Variants in PKLR observed in about 807,000 individuals in gnomAD.
PKLR encodes pyruvate kinase L/R, also known as pyruvate kinase PKLR.
In PKLR, 38 loss-of-function variants were observed where a neutral mutation model predicts 53.6. That is an observed-to-expected ratio of 0.71 (90% CI 0.55 to 0.93). The LOEUF is 0.93. PKLR is among the 40% of genes least tolerant of loss of function. The pLI is 0.00. For synonymous variants in PKLR, 328 were observed against 316.2 expected, an observed-to-expected ratio of 1.04 and a Z score of -0.39; for missense variants, 702 against 787.3, an observed-to-expected ratio of 0.89 and a Z score of 1.30.
chr1:155,299,943 G>A (rs1647889995), intron 2 of PKLR, among the ~76,000 whole-genome samples, 155 bp downstream of exon 2: 1 of 152,008 alleles, frequency 6.6e-6, no homozygotes, highest in African/African-American at 2.4e-5. Context: ...CTACTCCCAG[G>A]GCCCAAAATC....
rs1441486786 is a variant in PKLR at position 155,293,292 on chromosome 1, G to T, written c.1321C>A (p.Leu441Ile). ...CGGCTTAGTGGCGCTGCCCGACGTA[G>T]CTCCTCAAACAGCTGCCGGTGGTAC... ...AVYHRQLFEE[L>I]RRAAPLSRDP... The change falls in exon 9 of 11, where the codon CTA (leucine) becomes ATA (isoleucine). Residue 441 changes from leucine to isoleucine, a missense_variant. By Grantham distance (5) the Leu-to-Ile change is conservative. Transcript: ENST00000342741. The surrounding 1 kb of genome is among the most constrained non-coding windows in gnomAD (Gnocchi z 4.2). The T allele has an allele frequency of 1.9e-6, 3 of 1,614,236 alleles. No homozygotes were observed. The highest frequency in any genetic ancestry group is 3.3e-5 in the Admixed American group (2 of 60,032).
At chr1:155,301,201 T>G in intron 1 of PKLR, 95 bp downstream of exon 1, 3 of 1,460,614 alleles carry the variant, frequency 2.1e-6, no homozygotes, top group Non-Finnish European at 2.9e-6. Context: ...ACCTAGCCAG[T>G]GGCTGATGTG....
chr1:155,303,622 TTTTA>T (rs1285029522), upstream of PKLR, among the ~76,000 whole-genome samples: 1 of 152,124 alleles, frequency 6.6e-6, no homozygotes, highest in Non-Finnish European at 1.5e-5. Context: ...GTGTATTTTA[TTTTA>T]TTTATTTATT....
At chr1:155,305,346 CCCG>C (rs1557968180), upstream of PKLR, among the ~76,000 whole-genome samples, 1 of 152,078 alleles carries the variant, frequency 6.6e-6, no homozygotes, top group African/African-American at 2.4e-5. Flanking sequence ...AGCTCCAGAG[CCCG>C]AGCTGTAACC....
At position 155,300,976 on chromosome 1, in the gene PKLR, G is replaced by T. The variant is rs780460339; in HGVS notation, c.100+320C>A. On this transcript the variant is annotated intron_variant, in intron 1 of 10. Transcript: ENST00000342741. ...AGGCATGAGGCCCAGCTGGGCTGGG[G>T]ATCAGTTCTGCAGACTGGTTAAAGT... is the stretch of plus-strand genomic sequence containing the variant. The T allele has an allele frequency of 1.9e-6, 3 of 1,563,056 alleles. No homozygotes were observed. In the Admixed American group the frequency reaches 5.8e-5, roughly 30 times the overall value.
upstream of PKLR, among the ~76,000 whole-genome samples, chr1:155,305,338 C>G (rs908015252): frequency 1.3e-5 from 2 of 152,122 alleles, no homozygotes; most frequent in Non-Finnish European, 2.9e-5. Context: ...GATAGTGGAG[C>G]TCCAGAGCCC....
intron 1 of PKLR, chr1:155,300,733 T>C (rs1647945886): frequency 1.1e-6 from 1 of 893,690 alleles, no homozygotes; most frequent in Admixed American, 2.0e-5. Context: ...CAAAGGTCTC[T>C]GTTTTCTCCC....
chr1:155,300,270 C>T lies in PKLR; in HGVS notation c.111G>A (p.Gly37=), dbSNP rs141341788. 1 of 1,591,160 alleles carries T rather than the reference C, an allele frequency of 6.3e-7. No individual in the cohort carries two copies. The highest frequency in any genetic ancestry group is 1.1e-5 in the South Asian group (1 of 88,896). Residue 37 remains glycine, a synonymous_variant, in exon 2 of 11, where the codon GGG becomes GGA. Coordinates refer to ENST00000342741, the MANE Select transcript of PKLR (RefSeq NM_000298.6). The stretch of plus-strand genomic sequence containing the variant: ...GGGCCACACTGGCCCGCCGCAGATA[C>T]CCCGCTGGCCCTGTGGTAGAAGGGG... ...ILIGAPGGPA[G]YLRRASVAQL...
rs762299669 is a variant in PKLR, at chr1:155,293,628, C to G, written c.1117-38G>C. On this transcript the variant is annotated intron_variant, in intron 7 of 10. Transcript: ENST00000342741. This position sits in a 1 kb window ranked among gnomAD's most constrained non-coding sequence, Gnocchi z 4.2. ...GTGGATGTCAAAGTTGTAGGACTCACACTGTGACTGGGGACCCTGCCCAAG... is the reference window on the plus strand; with the variant it reads ...GTGGATGTCAAAGTTGTAGGACTCAGACTGTGACTGGGGACCCTGCCCAAG... 2 of 1,610,112 alleles carry G rather than the reference C, an allele frequency of 1.2e-6. No homozygotes were observed. The highest frequency in any genetic ancestry group is 4.5e-5 in the East Asian group (2 of 44,860).
intron 10 of PKLR, 104 bp downstream of exon 10, chr1:155,291,652 G>T: frequency 1.0e-6 from 1 of 979,352 alleles, no homozygotes; most frequent in Non-Finnish European, 1.7e-6. Flanking sequence ...GAAAACCTGG[G>T]ACCACAGGAG....
chr1:155,304,401 A>T (rs931367100), upstream of PKLR, among the ~76,000 whole-genome samples: 17 of 139,656 alleles, frequency 1.2e-4, no homozygotes, highest in South Asian at 2.3e-4. Flanking sequence ...GCCATTGCAC[A>T]CCAGCCTGGG....
the PKLR span, among the ~76,000 whole-genome samples, chr1:155,308,239 T>G: frequency 1.3e-5 from 2 of 151,742 alleles, no homozygotes; most frequent in East Asian, 1.9e-4. Flanking sequence ...TTTTTTTTTT[T>G]TGTATTTTTA....
At position 155,301,373 on chromosome 1, in the gene PKLR, GAT is replaced by G; in HGVS notation, c.21_22del (p.Ser8IlefsTer10). The G allele has an allele frequency of 1.9e-6, 3 of 1,613,962 alleles. No individual in the cohort carries two copies. Among genetic ancestry groups the G allele is most frequent in the Non-Finnish European group, 2.5e-6 (3 of 1,179,850 alleles). ...GACCCATGACCGAAGCTGCAGGGAT[GAT>G]ATGTTCTCCTGGATCGACATGCTTT... On this transcript the variant is annotated frameshift_variant, in exon 1 of 11. Transcript: ENST00000342741. LOFTEE classifies it high-confidence loss of function.
upstream of PKLR, among the ~76,000 whole-genome samples, chr1:155,306,037 G>A (rs1572068005): frequency 6.6e-6 from 1 of 152,130 alleles, no homozygotes; most frequent in South Asian, 2.1e-4. This position sits in a 1 kb window ranked among gnomAD's most constrained non-coding sequence, Gnocchi z 4.2. Flanking sequence ...GAGGTGGGGG[G>A]CAGTTCTCCA....
chr1:155,298,124 C>T (rs1344924662), intron 2 of PKLR, among the ~76,000 whole-genome samples: 2 of 152,124 alleles, frequency 1.3e-5, no homozygotes, highest in African/African-American at 4.8e-5. Flanking sequence ...CTGCTCCCTG[C>T]CTTCCAGTTC....
chr1:155,299,038 T>TTCTTTC (rs1557963556), intron 2 of PKLR, among the ~76,000 whole-genome samples: 16 of 69,132 alleles, frequency 2.3e-4, no homozygotes, highest in East Asian at 2.2e-3. Flanking sequence ...TTCTTTCTCT[T>TTCTTTC]TCTTTCTTTC....
Position 155,295,359 on chromosome 1 carries a change from C to T in PKLR, c.508-57G>A. On this transcript the variant is annotated intron_variant, in intron 4 of 10. Coordinates refer to ENST00000342741, the MANE Select transcript of PKLR (RefSeq NM_000298.6). The surrounding 1 kb of genome is among the most constrained non-coding windows in gnomAD (Gnocchi z 4.3). ...TGAGCCCCGGAGTCCGGGACCCGCC[C>T]CTGCCCACGCCTGGGCCCAACCCTA... 1.2e-6 allele frequency: 2 copies of T among 1,613,114 alleles called. No homozygotes were observed. Among genetic ancestry groups the T allele is most frequent in the Non-Finnish European group, 1.7e-6 (2 of 1,179,440 alleles).
chr1:155,291,932 G>A lies in PKLR; in HGVS notation c.1442C>T (p.Ala481Val), dbSNP rs773040738. 4.2e-5 allele frequency: 67 copies of A among 1,612,930 alleles called. No homozygotes were observed. Among genetic ancestry groups the A allele is most frequent in the Non-Finnish European group, 5.2e-5 (61 of 1,179,944 alleles). The change falls in exon 10 of 11, where the codon GCC becomes GTC. Residue 481 changes from alanine (A) to valine (V), a missense_variant. Physicochemically the swap from Ala to Val is moderately conservative, Grantham distance 64 (BLOSUM62 0). Coordinates refer to ENST00000342741, the MANE Select transcript of PKLR (RefSeq NM_000298.6). ...IIVLTTTGRS[A>V]QLLSRYRPRA... ...AGGTCGGTACCGAGACAGAAGCTGGGCTGAGCTGGAGGAGGCAGAGAAGGT... is the reference window on the plus strand; with the variant it reads ...AGGTCGGTACCGAGACAGAAGCTGGACTGAGCTGGAGGAGGCAGAGAAGGT...
intron 9 of PKLR, among the ~76,000 whole-genome samples, chr1:155,292,769 C>T (rs1403086564): frequency 6.6e-6 from 1 of 152,112 alleles, no homozygotes; most frequent in Admixed American, 6.6e-5. Flanking sequence ...CCTGTTAATC[C>T]TGCCAACCCC....
Sources: allele counts gnomAD v4.1 joint callset (sites outside exome capture counted in the v4.1 genomes callset), GRCh38; gene constraint gnomAD v4.1.1; non-coding constraint Gnocchi (gnomAD v3.1); transcripts MANE v1.5; gene names NCBI Gene and HGNC (gene_info 2026-07-23, HGNC 2026-07-21).